UNC13A: variants seen among roughly 807,000 people sequenced by gnomAD.
The protein encoded by UNC13A is unc-13 homolog A.
Under a neutral mutation model 219.7 loss-of-function variants are expected in UNC13A, and 61 were observed. The observed-to-expected ratio is 0.28, with a 90% CI of 0.23 to 0.34. The LOEUF (loss-of-function observed/expected upper bound fraction) is 0.34, where lower values mean the gene tolerates loss of function less well. UNC13A is among the 10% of genes least tolerant of loss of function. UNC13A has a pLI of 1.00. For missense variants in UNC13A, 1,476 were observed against 2,270.3 expected, an observed-to-expected ratio of 0.65 and a Z score of 7.11; for synonymous variants, 920 against 884.6, an observed-to-expected ratio of 1.04 and a Z score of -0.71.
At chr19:17,624,136 T>C (rs1006974189) in intron 35 of UNC13A, among the ~76,000 whole-genome samples, 1 of 147,064 alleles carries the variant, frequency 6.8e-6, no homozygotes, top group East Asian at 1.9e-4. Context: ...TTTTTTTTTG[T>C]TTTTTTGAGA....
chr19:17,640,864 CTTTT>C (rs892681471), intron 21 of UNC13A, among the ~76,000 whole-genome samples: 4 of 138,862 alleles, frequency 2.9e-5, no homozygotes, highest in South Asian at 4.7e-4. Context: ...AATTCTGCTT[CTTTT>C]TTTCTTTCTT....
intron 4 of UNC13A, among the ~76,000 whole-genome samples, chr19:17,671,952 G>T (rs2079796883): frequency 6.6e-6 from 1 of 152,054 alleles, no homozygotes; most frequent in South Asian, 2.1e-4. Context: ...TCCTTCCAAG[G>T]TAATACATTT....
chr19:17,612,651 C>A (rs2076616654), intron 41 of UNC13A, among the ~76,000 whole-genome samples: 1 of 152,052 alleles, frequency 6.6e-6, no homozygotes, highest in Non-Finnish European at 1.5e-5. Context: ...TTGAGACTAG[C>A]CTGGGCAACA....
At chr19:17,668,895 G>C (rs889249265) in intron 5 of UNC13A, among the ~76,000 whole-genome samples, 5 of 151,974 alleles carry the variant, frequency 3.3e-5, no homozygotes, top group Admixed American at 3.3e-4. Context: ...TCCTGGGCTT[G>C]AGCCATCCTC....
intron 35 of UNC13A, among the ~76,000 whole-genome samples, chr19:17,624,371 G>A (rs1383737489): frequency 2.0e-5 from 3 of 151,892 alleles, no homozygotes; most frequent in Non-Finnish European, 4.4e-5. Flanking sequence ...TGCCCGCCTC[G>A]AGCCTCCCAA....
At chr19:17,679,408 T>TATAATAATAATAATAATA (rs548278832) in intron 1 of UNC13A, among the ~76,000 whole-genome samples, 6 of 149,316 alleles carry the variant, frequency 4.0e-5, no homozygotes, top group African/African-American at 1.5e-4. Context: ...TCAAAAAATA[T>TATAATAATAATAATAATA]ATAATAATAA....
At position 17,605,990 on chromosome 19, in the gene UNC13A, G is replaced by A. The variant is rs1182881771; in HGVS notation, c.*64C>T. 3.3e-5 allele frequency: 45 copies of A among 1,360,346 alleles called. No homozygotes were observed. The highest frequency in any genetic ancestry group is 4.6e-5 in the African/African-American group (3 of 64,766). The allele number at this position is 1,360,346 out of a possible 1,614,324, so 84.3% of individuals were successfully genotyped here. On this transcript the variant is annotated 3_prime_UTR_variant, in exon 44 of 44. Coordinates refer to ENST00000519716, the MANE Select transcript of UNC13A (RefSeq NM_001080421.3). ...CTGGGGAGGTCCCACCAAGGCGCAA[G>A]CCCCGTCCCTCCCCGCCCAGCGCCC...
intron 1 of UNC13A, among the ~76,000 whole-genome samples, chr19:17,686,665 C>G (rs1411214288): frequency 6.6e-6 from 1 of 152,050 alleles, no homozygotes; most frequent in East Asian, 1.9e-4. Context: ...CCACCCCCAG[C>G]CCCGTCCAGC....
intron 5 of UNC13A, 42 bp from the exon 6 acceptor site, chr19:17,668,232 TGCCGCTCA>T (rs111451373): frequency 0.19 from 296,695 of 1,593,952 alleles, 29,084 homozygotes; most frequent in African/African-American, 0.22. Flanking sequence ...AGACCCTCCC[TGCCGCTCA>T]GCCTCCATCC....
intron 35 of UNC13A, 54 bp downstream of exon 35, chr19:17,624,775 G>T: frequency 6.4e-7 from 1 of 1,562,958 alleles, no homozygotes. Flanking sequence ...AGTTTTCTGG[G>T]CTCTCGCCAG....
rs1377601922 is a variant in UNC13A, at chr19:17,674,042, G to A, written c.152+615C>T. On this transcript the variant is annotated intron_variant, in intron 3 of 43. Transcript: ENST00000519716. This position sits in a 1 kb window ranked among gnomAD's most constrained non-coding sequence, Gnocchi z 5.0. Reference sequence around the variant, plus strand: ...AACAAACAAACAAACAAAATTGGTGGCAAGGCCTGGGAAGGCATGATGCCC... The same window carrying A: ...AACAAACAAACAAACAAAATTGGTGACAAGGCCTGGGAAGGCATGATGCCC... Among the ~76,000 whole-genome samples the A allele has an allele frequency of 6.6e-6, 1 of 152,224 alleles. No individual in the cohort carries two copies. Among genetic ancestry groups the A allele is most frequent in the African/African-American group, 2.4e-5 (1 of 41,456 alleles).
intron 8 of UNC13A, among the ~76,000 whole-genome samples, chr19:17,662,283 A>G (rs1049210943): frequency 2.0e-5 from 3 of 151,534 alleles, no homozygotes; most frequent in African/African-American, 7.3e-5. Context: ...CGTGAACCCT[A>G]CTGTGAACTG....
intron 22 of UNC13A, among the ~76,000 whole-genome samples, 187 bp downstream of exon 22, chr19:17,640,324 C>T (rs555849934): frequency 1.3e-3 from 193 of 152,298 alleles, no homozygotes; most frequent in African/African-American, 4.6e-3. Context: ...CAGGCATGAG[C>T]CACTGCGCCC....
At chr19:17,646,735 G>A (rs1212458384) in intron 17 of UNC13A, among the ~76,000 whole-genome samples, 1 of 152,006 alleles carries the variant, frequency 6.6e-6, no homozygotes, top group Non-Finnish European at 1.5e-5. Flanking sequence ...GTCACTTCCT[G>A]GATAACCCAC....
chr19:17,606,114 G>T lies in UNC13A; in HGVS notation c.5052C>A (p.Phe1684Leu). The part of the protein sequence containing the change: ...QRSNDEVAKE[F>L]VKLKSDTRSA... ...AGCGCGTGTCCGACTTGAGCTTCACGAACTCCTTGGCCACCTCGTCGTTGC... is the reference window on the plus strand; with the variant it reads ...AGCGCGTGTCCGACTTGAGCTTCACTAACTCCTTGGCCACCTCGTCGTTGC... Residue 1684 changes from phenylalanine (F) to leucine (L), a missense_variant, in exon 44 of 44, where the codon TTC becomes TTA. This residue lies in a region of UNC13A where 187 missense variants were observed against 172.3 expected (regional missense o/e 1.09). Transcript: ENST00000519716. 1 of 1,595,994 alleles carries T rather than the reference G, an allele frequency of 6.3e-7. No individual in the cohort carries two copies. Among genetic ancestry groups the T allele is most frequent in the South Asian group, 1.1e-5 (1 of 88,922 alleles).
chr19:17,648,181 CA>C (rs1181995139), intron 16 of UNC13A, among the ~76,000 whole-genome samples: 1 of 151,642 alleles, frequency 6.6e-6, no homozygotes, highest in Non-Finnish European at 1.5e-5. Flanking sequence ...AGCCCTGCCC[CA>C]CCCCTCTCTG....
chr19:17,642,237 C>T (rs1234257064), intron 20 of UNC13A, among the ~76,000 whole-genome samples: 3 of 152,110 alleles, frequency 2.0e-5, no homozygotes, highest in Non-Finnish European at 4.4e-5. Context: ...TCAAGTTATC[C>T]ATCCATCATT....
chr19:17,644,198 G>T (rs981007057), intron 19 of UNC13A, among the ~76,000 whole-genome samples: 1 of 151,964 alleles, frequency 6.6e-6, no homozygotes, highest in African/African-American at 2.4e-5. Flanking sequence ...TGTGGTGGGG[G>T]GTCGGGGGGA....
rs1310890949 is a variant in UNC13A at position 17,603,089 on chromosome 19, T to TG, written c.*2964dup. The TG allele has an allele frequency of 6.6e-6, 1 of 152,158 alleles. No homozygotes were observed. Among genetic ancestry groups the TG allele is most frequent in the African/African-American group, 2.4e-5 (1 of 41,410 alleles). The allele number at this position is 152,158 out of a possible 1,614,324, so 9.4% of individuals were successfully genotyped here. On this transcript the variant is annotated 3_prime_UTR_variant, in exon 44 of 44. Coordinates refer to ENST00000519716, the MANE Select transcript of UNC13A (RefSeq NM_001080421.3). ...TTTTGAAGGACGAATAGGAGTTCTC[T>TG]GGGGGAAAGAAAAGAGGGTGGAAAT... is the stretch of plus-strand genomic sequence containing the variant.
Sources: allele counts gnomAD v4.1 joint callset (sites outside exome capture counted in the v4.1 genomes callset), GRCh38; gene constraint gnomAD v4.1.1; regional missense constraint gnomAD v4.1.1; non-coding constraint Gnocchi (gnomAD v3.1); transcripts MANE v1.5; gene names NCBI Gene and HGNC (gene_info 2026-07-23, HGNC 2026-07-21).